LMX1B: variants seen among roughly 807,000 people sequenced by gnomAD.
LMX1B encodes LIM homeobox transcription factor 1 beta.
Under a neutral mutation model 51.4 loss-of-function variants are expected in LMX1B, and 12 were observed. That is an observed-to-expected ratio of 0.23 (90% CI 0.15 to 0.38). The LOEUF is 0.38. Ranked by LOEUF, LMX1B falls within the 10% of genes least tolerant of loss-of-function variation. The pLI is 1.00. For synonymous variants in LMX1B, 237 were observed against 235.4 expected (o/e 1.01, Z -0.06); for missense variants, 445 against 571.1 (o/e 0.78, Z 2.25).
chr9:126,693,455 C>A, intron 4 of LMX1B, 69 bp from the exon 5 acceptor site: 2 of 1,571,120 alleles, frequency 1.3e-6, no homozygotes, highest in East Asian at 2.2e-5. Context: ...TCCCATCATA[C>A]CCCTAAACCC....
At chr9:126,646,021 T>C (rs1427499464) in intron 2 of LMX1B, among the ~76,000 whole-genome samples, 1 of 152,146 alleles carries the variant, frequency 6.6e-6, no homozygotes, top group Non-Finnish European at 1.5e-5. Flanking sequence ...CGAGAAATAC[T>C]TCCTGAGCCG....
chr9:126,624,923 G>GT (rs1251102754), intron 2 of LMX1B, among the ~76,000 whole-genome samples: 5 of 152,162 alleles, frequency 3.3e-5, no homozygotes, highest in African/African-American at 9.7e-5. Flanking sequence ...GCCATTAAAT[G>GT]TAACTTTTCA....
chr9:126,658,877 G>A lies in LMX1B; in HGVS notation c.327-31959G>A, dbSNP rs1265381299. Among the ~76,000 whole-genome samples the A allele has an allele frequency of 3.9e-5, 6 of 152,184 alleles. No homozygotes were observed. Among genetic ancestry groups the A allele is most frequent in the Admixed American group, 3.9e-4 (6 of 15,282 alleles). On this transcript the variant is annotated intron_variant, in intron 2 of 7. Coordinates refer to ENST00000373474, the MANE Select transcript of LMX1B (RefSeq NM_001174147.2). This position sits in a 1 kb window ranked among gnomAD's most constrained non-coding sequence, Gnocchi z 4.0. ...CCTGGTTTGCTGTGGAGAGAAGGAG[G>A]ACTTCCTGGGGACATGAGAAGTCCA...
intron 7 of LMX1B, 42 bp from the exon 8 acceptor site, chr9:126,696,252 C>T (rs374592944): frequency 4.4e-6 from 7 of 1,606,674 alleles, no homozygotes; most frequent in Non-Finnish European, 6.0e-6. Flanking sequence ...CCCCAGGAGC[C>T]CCAGCCTGTA....
chr9:126,678,324 A>G (rs1430860002), intron 2 of LMX1B, among the ~76,000 whole-genome samples: 3 of 121,686 alleles, frequency 2.5e-5, no homozygotes, highest in Non-Finnish European at 5.3e-5. Context: ...AAAAAAAACA[A>G]AAAACAAAAA....
intron 2 of LMX1B, among the ~76,000 whole-genome samples, chr9:126,655,607 G>C (rs145985909): frequency 6.6e-6 from 1 of 152,196 alleles, no homozygotes; most frequent in Non-Finnish European, 1.5e-5. Context: ...TGCCTGGCAC[G>C]TAGTAGGGGC....
chr9:126,621,598 A>C (rs1298656380), intron 2 of LMX1B, among the ~76,000 whole-genome samples: 1 of 151,036 alleles, frequency 6.6e-6, no homozygotes, highest in Non-Finnish European at 1.5e-5. Flanking sequence ...TTTGATGCCA[A>C]AAGCAACATG....
At position 126,625,032 on chromosome 9, in the gene LMX1B, CAG is replaced by C. The variant is rs1835494476; in HGVS notation, c.326+9466_326+9467del. Reference sequence around the variant, plus strand: ...GAGTGACAGGGCTCTGTCGTTTAATCAGAGGCTGTGCCGCTCAAACCGCGGGG... The same window carrying C: ...GAGTGACAGGGCTCTGTCGTTTAATCAGGCTGTGCCGCTCAAACCGCGGGG... On this transcript the variant is annotated intron_variant, in intron 2 of 7. Transcript: ENST00000373474. The surrounding 1 kb of genome is among the most constrained non-coding windows in gnomAD (Gnocchi z 5.3). 6.6e-6 allele frequency among the ~76,000 whole-genome samples: 1 copy of C among 152,234 alleles called. No individual in the cohort carries two copies. The highest frequency in any genetic ancestry group is 2.4e-5 in the African/African-American group (1 of 41,468).
At chr9:126,624,671 T>A (rs974554643) in intron 2 of LMX1B, among the ~76,000 whole-genome samples, 37 of 151,554 alleles carry the variant, frequency 2.4e-4, no homozygotes, top group African/African-American at 8.4e-4. Context: ...ATCTTGTTTT[T>A]TTTTTTTTGG....
intron 2 of LMX1B, among the ~76,000 whole-genome samples, chr9:126,687,730 G>T (rs1312849114): frequency 6.6e-6 from 1 of 152,122 alleles, no homozygotes; most frequent in East Asian, 1.9e-4. Flanking sequence ...GGCTCGAGAA[G>T]AAAAATTACT....
Position 126,626,298 on chromosome 9 carries a change from G to A in LMX1B, c.326+10729G>A, listed in dbSNP as rs1835530699. Among the ~76,000 whole-genome samples, 1 of 152,242 alleles carries A rather than the reference G, an allele frequency of 6.6e-6. No homozygotes were observed. Among genetic ancestry groups the A allele is most frequent in the South Asian group, 2.1e-4 (1 of 4,836 alleles). ...CGGGCTGAGAGCAGGGTGTCACCTC[G>A]TAAAAGCGACAGGCAAGGACTGTTT... On this transcript the variant is annotated intron_variant, in intron 2 of 7. Transcript: ENST00000373474. The surrounding 1 kb of genome is among the most constrained non-coding windows in gnomAD (Gnocchi z 4.3).
At position 126,625,949 on chromosome 9, in the gene LMX1B, T is replaced by G. The variant is rs1250836586; in HGVS notation, c.326+10380T>G. Among the ~76,000 whole-genome samples the G allele has an allele frequency of 6.6e-6, 1 of 152,202 alleles. No homozygotes were observed. On this transcript the variant is annotated intron_variant, in intron 2 of 7. Coordinates refer to ENST00000373474, the MANE Select transcript of LMX1B (RefSeq NM_001174147.2). This position sits in a 1 kb window ranked among gnomAD's most constrained non-coding sequence, Gnocchi z 5.3. ...GGCGTCGGAGAAGCGGCCGCGCTGT[T>G]CCGGGTCACTGCACCGGCTGAAAAA...
chr9:126,636,999 T>C (rs1835725103), intron 2 of LMX1B, among the ~76,000 whole-genome samples: 1 of 152,214 alleles, frequency 6.6e-6, no homozygotes, highest in Non-Finnish European at 1.5e-5. Flanking sequence ...AGGCAGCGGT[T>C]GGCCTGGTCT....
rs1047413114 is a variant in LMX1B at position 126,698,412 on chromosome 9, A to G, written c.*1961A>G. On this transcript the variant is annotated 3_prime_UTR_variant, in exon 8 of 8. Transcript: ENST00000373474. ...CCCATTAATGCATCCTCTTTGGGGG[A>G]CACATTCCAATTGCATTTCCTGCCC... 6.6e-6 allele frequency: 1 copy of G among 152,182 alleles called. No individual in the cohort carries two copies. The highest frequency in any genetic ancestry group is 6.6e-5 in the Admixed American group (1 of 15,264). 9.4% of individuals were successfully genotyped at this position (152,182 alleles called of 1,614,324 possible). A position where few individuals can be genotyped will look rare whatever the true frequency, so the allele number is the denominator to read the frequency against.
rs374778848 is a variant in LMX1B, at chr9:126,696,491, G to C, written c.*40G>C. ...CACGGACGCTTGGGCAGGGGCCTGG[G>C]GGGGACTGCCAGCCTCTGCGGCCAG... On this transcript the variant is annotated 3_prime_UTR_variant, in exon 8 of 8. Coordinates refer to ENST00000373474, the MANE Select transcript of LMX1B (RefSeq NM_001174147.2). 4.0e-5 allele frequency: 65 copies of C among 1,610,830 alleles called. No individual in the cohort carries two copies. Among genetic ancestry groups the C allele is most frequent in the Middle Eastern group, 3.3e-4 (2 of 6,072 alleles).
chr9:126,629,869 G>A (rs968284878), intron 2 of LMX1B, among the ~76,000 whole-genome samples: 2 of 151,866 alleles, frequency 1.3e-5, no homozygotes, highest in Non-Finnish European at 2.9e-5. Context: ...TGGTTGGCCG[G>A]GTGTGGTGGC....
At chr9:126,631,408 A>C (rs1311471401) in intron 2 of LMX1B, among the ~76,000 whole-genome samples, 1 of 152,080 alleles carries the variant, frequency 6.6e-6, no homozygotes, top group African/African-American at 2.4e-5. Flanking sequence ...CAGGAAGAAG[A>C]GGTATTAGGT....
At chr9:126,681,245 C>G (rs1836664900) in intron 2 of LMX1B, among the ~76,000 whole-genome samples, 1 of 152,298 alleles carries the variant, frequency 6.6e-6, no homozygotes, top group South Asian at 2.1e-4. Context: ...GTGCCTCTCC[C>G]TGAACTCCAA....
intron 2 of LMX1B, among the ~76,000 whole-genome samples, chr9:126,627,460 G>GCAGAGAAGGAGGCT (rs1198879841): frequency 2.0e-5 from 3 of 152,028 alleles, no homozygotes; most frequent in Non-Finnish European, 2.9e-5. Context: ...CCAAGGGAAA[G>GCAGAGAAGGAGGCT]CAGAGAAGGA....
Sources: gnomAD v4.1 joint callset for allele counts (sites outside exome capture counted in the v4.1 genomes callset) on GRCh38, gnomAD v4.1.1 for gene constraint, Gnocchi (gnomAD v3.1) non-coding constraint, MANE v1.5 for transcripts, NCBI Gene and HGNC (gene_info 2026-07-23, HGNC 2026-07-21) for gene names.